The following HDAC9 variants were observed in gnomAD, a reference collection of about 807,000 sequenced individuals.
HDAC9 encodes the protein histone deacetylase 9, also known as MEF-2 interacting transcription repressor (MITR) protein.
HDAC9 carries 41 observed loss-of-function variants against 139.4 expected under a neutral mutation model. The ratio of observed to expected loss-of-function variants is 0.29; its 90% confidence interval spans 0.23 to 0.38. The LOEUF (loss-of-function observed/expected upper bound fraction) is 0.38, where lower values mean the gene tolerates loss of function less well. HDAC9 is among the 10% of genes least tolerant of loss of function. The pLI is 1.00. For missense variants in HDAC9, 1,147 were observed against 1,297.0 expected (o/e 0.88, Z 1.78); for synonymous variants, 517 against 476.2 (o/e 1.09, Z -1.12).
At chr7:18,848,435 G>C (rs1797050516) in intron 21 of HDAC9, among the ~76,000 whole-genome samples, 1 of 152,068 alleles carries the variant, frequency 6.6e-6, no homozygotes. Context: ...ATGGAATCTT[G>C]AGGGTAGGTG....
chr7:18,290,389 TTGAC>T (rs746715936), upstream of HDAC9: 3 of 443,664 alleles, frequency 6.8e-6, no homozygotes, highest in Non-Finnish European at 1.4e-5. Flanking sequence ...AATTAGCAAG[TTGAC>T]TAACCACTTC....
intron 2 of HDAC9, among the ~76,000 whole-genome samples, chr7:18,529,922 A>G (rs80105030): frequency 1.3e-3 from 193 of 152,194 alleles, no homozygotes; most frequent in African/African-American, 4.5e-3. Context: ...TAAAAACTAG[A>G]TTTAATTTCT....
chr7:18,402,707 G>C (rs768886068), intron 1 of HDAC9, among the ~76,000 whole-genome samples: 1 of 152,116 alleles, frequency 6.6e-6, no homozygotes, highest in African/African-American at 2.4e-5. Flanking sequence ...GTGAGAGACT[G>C]GTTCATATGT....
chr7:18,832,195 C>G (rs1795902981), intron 19 of HDAC9, among the ~76,000 whole-genome samples: 1 of 152,194 alleles, frequency 6.6e-6, no homozygotes, highest in Non-Finnish European at 1.5e-5. Flanking sequence ...GACTGTATGA[C>G]TCAGGTAGCT....
At chr7:18,137,859 G>A (rs955480759) in intron 1 of HDAC9, among the ~76,000 whole-genome samples, 15 of 152,130 alleles carry the variant, frequency 9.9e-5, no homozygotes, top group Admixed American at 3.9e-4. Context: ...TCTATTGATC[G>A]GAATAGTTTC....
At chr7:18,385,125 T>G (rs528535452) in intron 1 of HDAC9, among the ~76,000 whole-genome samples, 1 of 152,338 alleles carries the variant, frequency 6.6e-6, no homozygotes, top group African/African-American at 2.4e-5. Context: ...AGAAAAGATT[T>G]ATTTCCTTAT....
At chr7:18,593,386 A>G (rs2128837086) in intron 5 of HDAC9, among the ~76,000 whole-genome samples, 1 of 152,250 alleles carries the variant, frequency 6.6e-6, no homozygotes, top group South Asian at 2.1e-4. Flanking sequence ...TGTGATCCCC[A>G]TTCTTTACTA....
chr7:18,568,026 G>GTGTATATATATATATATATATATATA lies in HDAC9; in HGVS notation c.23-17254_23-17253insGTATATATATATATATATATATATAT, dbSNP rs1384273199. On this transcript the variant is annotated intron_variant, in intron 2 of 25. Transcript: ENST00000686413. ...TTATACATACAGGATATATGTATAT[G>GTGTATATATATATATATATATATATA]TATATATATATATATATATATATAT... Among the ~76,000 whole-genome samples the GTGTATATATATATATATATATATATA allele has an allele frequency of 3.0e-3, 378 of 126,786 alleles. 9 individuals carry two copies. Among genetic ancestry groups the GTGTATATATATATATATATATATATA allele is most frequent in the South Asian group, 4.4e-3 (18 of 4,050 alleles). The allele number at this position is 126,786 out of a possible 152,430, so 83.2% of individuals were successfully genotyped here.
At chr7:18,339,066 CTTA>C (rs1257248662) in intron 1 of HDAC9, among the ~76,000 whole-genome samples, 2 of 151,448 alleles carry the variant, frequency 1.3e-5, no homozygotes, top group African/African-American at 2.4e-5. Flanking sequence ...GTAATATTCT[CTTA>C]TTATGCTTTG....
chr7:18,668,744 G>T, intron 12 of HDAC9: 1 of 979,118 alleles, frequency 1.0e-6, no homozygotes, highest in Non-Finnish European at 1.2e-6. Flanking sequence ...CCTTGAAGGT[G>T]ATCTCTTGTT....
intron 21 of HDAC9, among the ~76,000 whole-genome samples, chr7:18,869,484 A>G (rs901576301): frequency 1.3e-5 from 2 of 152,074 alleles, no homozygotes; most frequent in African/African-American, 4.8e-5. Context: ...TGCCAGCATC[A>G]TGCTTCCTGT....
intron 22 of HDAC9, among the ~76,000 whole-genome samples, chr7:18,926,605 T>A (rs1804251416): frequency 6.6e-6 from 1 of 152,102 alleles, no homozygotes; most frequent in African/African-American, 2.4e-5. Context: ...AATAGTTGAT[T>A]TGTAGTTGGA....
chr7:18,584,172 G>T (rs908477998), intron 2 of HDAC9, among the ~76,000 whole-genome samples: 18 of 106,770 alleles, frequency 1.7e-4, no homozygotes, highest in African/African-American at 6.4e-4. Flanking sequence ...AGACAGTCTC[G>T]CTCTGTCACC....
At chr7:18,174,883 A>G (rs1174848879) in intron 2 of HDAC9, among the ~76,000 whole-genome samples, 1 of 152,026 alleles carries the variant, frequency 6.6e-6, no homozygotes, top group African/African-American at 2.4e-5. Context: ...CTGCTGGGAG[A>G]TGTCTCCCAG....
intron 21 of HDAC9, among the ~76,000 whole-genome samples, 187 bp downstream of exon 21, chr7:18,836,184 A>G (rs1204156525): frequency 6.6e-6 from 1 of 152,184 alleles, no homozygotes; most frequent in Non-Finnish European, 1.5e-5. Context: ...ATATTGGCCA[A>G]TGGCCCATTT....
intron 2 of HDAC9, among the ~76,000 whole-genome samples, chr7:18,242,474 T>G (rs1174635074): frequency 2.6e-5 from 4 of 152,170 alleles, no homozygotes; most frequent in African/African-American, 9.6e-5. Context: ...AACCTGATAA[T>G]GTAACATCAT....
At chr7:18,591,204 T>A (rs1726609) in intron 4 of HDAC9, among the ~76,000 whole-genome samples, 10,048 of 152,246 alleles carry the variant, frequency 0.066, 664 homozygotes, top group African/African-American at 0.16. Flanking sequence ...CTCTGCAGTA[T>A]TTTTTAAACT....
At position 18,754,082 on chromosome 7, in the gene HDAC9, G is replaced by T. The variant is rs570704850; in HGVS notation, c.2043+4944G>T. ...ATATTAGATTACAGTGGTTACATGG[G>T]TTAACTTTTTTTTGGCCTGACGTGG... is the stretch of plus-strand genomic sequence containing the variant. On this transcript the variant is annotated intron_variant, in intron 14 of 25. Transcript: ENST00000686413. Among the ~76,000 whole-genome samples, 61 of 152,152 alleles carry T rather than the reference G, an allele frequency of 4.0e-4. 1 individual carries two copies. In the South Asian group the frequency reaches 7.5e-3, roughly 19 times the overall value.
chr7:18,985,009 G>C (rs1785219483), intron 25 of HDAC9, among the ~76,000 whole-genome samples: 1 of 152,030 alleles, frequency 6.6e-6, no homozygotes, highest in Non-Finnish European at 1.5e-5. Context: ...GTGTAGAATT[G>C]TTACACAGGA....
Sources: allele counts gnomAD v4.1 joint callset (sites outside exome capture counted in the v4.1 genomes callset), GRCh38; gene constraint gnomAD v4.1.1; transcripts MANE v1.5; gene names NCBI Gene and HGNC (gene_info 2026-07-23, HGNC 2026-07-21).